CACNA1I: variants seen among roughly 807,000 people sequenced by gnomAD.
CACNA1I encodes voltage-dependent T-type calcium channel subunit alpha-1I.
A neutral mutation model predicts 201.6 loss-of-function variants in CACNA1I; 74 were observed. The ratio of observed to expected loss-of-function variants is 0.37; its 90% CI spans 0.30 to 0.45. The LOEUF is 0.45. Ranked by LOEUF, CACNA1I falls within the 20% of genes least tolerant of loss-of-function variation. The pLI is 1.00. For missense variants in CACNA1I, 2,346 were observed against 3,138.1 expected, an observed-to-expected ratio of 0.75 and a Z score of 6.03; for synonymous variants, 1,431 against 1,345.2, an observed-to-expected ratio of 1.06 and a Z score of -1.40.
Position 39,684,528 on chromosome 22 carries a change from TG to T in CACNA1I, c.6027+32del, listed in dbSNP as rs1569102966. On this transcript the variant is annotated intron_variant, in intron 36 of 36. Coordinates refer to ENST00000402142, the MANE Select transcript of CACNA1I (RefSeq NM_021096.4). This position sits in a 1 kb window ranked among gnomAD's most constrained non-coding sequence, Gnocchi z 4.6. ...CGACACCTCCCAGGCCCTAGAGCAC[TG>T]GTCTGTGGGCAAGGGGCAGGATCTA... 1 of 1,599,468 alleles carries T rather than the reference TG, an allele frequency of 6.3e-7. No individual in the cohort carries two copies. Among genetic ancestry groups the T allele is most frequent in the South Asian group, 1.1e-5 (1 of 89,064 alleles).
chr22:39,609,834 C>T (rs1218800756), intron 3 of CACNA1I, among the ~76,000 whole-genome samples: 1 of 152,232 alleles, frequency 6.6e-6, no homozygotes, highest in East Asian at 1.9e-4. Context: ...TCTTCACCCA[C>T]CCTCTGCCAA....
intron 1 of CACNA1I, among the ~76,000 whole-genome samples, chr22:39,585,113 G>T (rs547878609): frequency 1.3e-5 from 2 of 152,240 alleles, no homozygotes; most frequent in African/African-American, 4.8e-5. Flanking sequence ...AGGCTGGAGC[G>T]CAGTGGTGCA....
chr22:39,618,255 G>A (rs1327256687), intron 3 of CACNA1I, among the ~76,000 whole-genome samples: 1 of 122,480 alleles, frequency 8.2e-6, no homozygotes, highest in Non-Finnish European at 1.7e-5. Context: ...GTGTGCCTGT[G>A]TGTGTGTGTG....
intron 6 of CACNA1I, among the ~76,000 whole-genome samples, chr22:39,642,070 T>C (rs136820): frequency 0.63 from 95,986 of 151,972 alleles, 31,440 homozygotes; most frequent in East Asian, 0.99. Context: ...GGCTGAACTC[T>C]GCTGCCTCCG....
At chr22:39,586,105 G>T (rs1932745391) in intron 1 of CACNA1I, among the ~76,000 whole-genome samples, 1 of 151,970 alleles carries the variant, frequency 6.6e-6, no homozygotes, top group African/African-American at 2.4e-5. Flanking sequence ...TTGAACCAGG[G>T]AGTCAGAAGT....
intron 3 of CACNA1I, among the ~76,000 whole-genome samples, chr22:39,606,565 T>G (rs5995757): frequency 1.3e-4 from 20 of 152,082 alleles, no homozygotes; most frequent in African/African-American, 4.8e-4. Context: ...CAGGGTCTCT[T>G]TCTGTTGCCC....
At chr22:39,640,810 C>A in intron 5 of CACNA1I, 57 bp from the exon 6 acceptor site, 1 of 1,425,550 alleles carries the variant, frequency 7.0e-7, no homozygotes, top group Non-Finnish European at 9.6e-7. Context: ...CCTTCCTGAT[C>A]CTCCTGACAG....
In CACNA1I at chr22:39,662,805, C is replaced by T. The variant is rs1463839520; in HGVS notation, c.3402C>T (p.Ile1134=). ...YTLCFRVRKM[I]DVYKPDWCEV... ...TGTGCTTCCGCGTCCGCAAGATGAT[C>T]GACGTCTATAAGCCCGACTGGTGCG... Residue 1134 remains isoleucine (I), a synonymous_variant, in exon 18 of 37, where the codon ATC becomes ATT. Coordinates refer to ENST00000402142, the MANE Select transcript of CACNA1I (RefSeq NM_021096.4). The T allele has an allele frequency of 1.9e-6, 3 of 1,599,114 alleles. No individual in the cohort carries two copies. In the Admixed American group the frequency reaches 5.1e-5, roughly 27 times the overall value.
chr22:39,577,394 GC>G (rs1220806938), intron 1 of CACNA1I, among the ~76,000 whole-genome samples: 4 of 152,228 alleles, frequency 2.6e-5, no homozygotes, highest in African/African-American at 9.6e-5. Context: ...GGAGACCCCT[GC>G]CTCTCGCATC....
rs1037097284 is a variant in CACNA1I, at chr22:39,688,461, G to T, written c.*2056G>T. 1 of 152,190 alleles carries T rather than the reference G, an allele frequency of 6.6e-6. No individual in the cohort carries two copies. Among genetic ancestry groups the T allele is most frequent in the Non-Finnish European group, 1.5e-5 (1 of 68,050 alleles). 9.4% of individuals were successfully genotyped at this position (152,190 alleles called of 1,614,324 possible). Reference sequence around the variant, plus strand: ...GGCTTGACTGCTCCTGGCTGACCCTGAGCTCTCGCAGTTGGAGGGAAGCAG... The same window carrying T: ...GGCTTGACTGCTCCTGGCTGACCCTTAGCTCTCGCAGTTGGAGGGAAGCAG... On this transcript the variant is annotated 3_prime_UTR_variant, in exon 37 of 37. Transcript: ENST00000402142. This position sits in a 1 kb window ranked among gnomAD's most constrained non-coding sequence, Gnocchi z 4.8.
At position 39,664,900 on chromosome 22, in the gene CACNA1I, C is replaced by CCTGCG; in HGVS notation, c.3830_3834dup (p.Thr1279CysfsTer16). 1 of 1,612,538 alleles carries CCTGCG rather than the reference C, an allele frequency of 6.2e-7. No individual in the cohort carries two copies. Among genetic ancestry groups the CCTGCG allele is most frequent in the Non-Finnish European group, 8.5e-7 (1 of 1,179,834 alleles). On this transcript the variant is annotated frameshift_variant, in exon 21 of 37. Coordinates refer to ENST00000402142, the MANE Select transcript of CACNA1I (RefSeq NM_021096.4). LOFTEE classifies it high-confidence loss of function. The stretch of plus-strand genomic sequence containing the variant: ...TGGGGGTCCTCCGAGTCTTGCGGCT[C>CCTGCG]CTGCGCACCCTACGCCCCCTGCGGT...
At chr22:39,647,101 C>A (rs1252544838) in intron 8 of CACNA1I, among the ~76,000 whole-genome samples, 1 of 152,266 alleles carries the variant, frequency 6.6e-6, no homozygotes, top group Non-Finnish European at 1.5e-5. Context: ...GCTGAGGGAA[C>A]TCAGCCTTTG....
At chr22:39,595,840 T>C (rs1343380717) in intron 1 of CACNA1I, among the ~76,000 whole-genome samples, 2 of 151,594 alleles carry the variant, frequency 1.3e-5, no homozygotes, top group African/African-American at 4.9e-5. Context: ...TACTAGATGT[T>C]AGGCCGTGAG....
At position 39,647,807 on chromosome 22, in the gene CACNA1I, A is replaced by G. The variant is rs5757759; in HGVS notation, c.1463-15A>G. 639,752 of 1,508,746 alleles carry G rather than the reference A, an allele frequency of 0.42. 142,761 individuals are homozygous for G. Among genetic ancestry groups the G allele is most frequent in the East Asian group, 0.87 (38,684 of 44,354 alleles). The allele number at this position is 1,508,746 out of a possible 1,614,324, so 93.5% of individuals were successfully genotyped here. ...TGAGAAGGGAGAAGATAGTAATATTATCTCCACTTTTCAGATGGGAAGACT... is the reference window on the plus strand; with the variant it reads ...TGAGAAGGGAGAAGATAGTAATATTGTCTCCACTTTTCAGATGGGAAGACT... On this transcript the variant is annotated splice_polypyrimidine_tract_variant and intron_variant, in intron 8 of 36. Coordinates refer to ENST00000402142, the MANE Select transcript of CACNA1I (RefSeq NM_021096.4).
chr22:39,607,102 T>C (rs1039155606), intron 3 of CACNA1I, among the ~76,000 whole-genome samples: 1 of 152,030 alleles, frequency 6.6e-6, no homozygotes, highest in Non-Finnish European at 1.5e-5. Flanking sequence ...GGGTGGAGGG[T>C]GAGGCTACTG....
At chr22:39,605,294 C>T (rs891521569) in intron 3 of CACNA1I, among the ~76,000 whole-genome samples, 5 of 152,190 alleles carry the variant, frequency 3.3e-5, no homozygotes, top group African/African-American at 1.2e-4. Context: ...TCTGGTGTAA[C>T]CCTCATGGCA....
At position 39,662,023 on chromosome 22, in the gene CACNA1I, G is replaced by A. The variant is rs937063428; in HGVS notation, c.2960G>A (p.Arg987His). Residue 987 changes from arginine (R) to histidine (H), a missense_variant, in exon 17 of 37, where the codon CGT (arginine) becomes CAT (histidine). By Grantham distance (29) the Arg-to-His change is conservative. Around this residue, in one of 13 missense-constraint regions of CACNA1I, gnomAD observed 288 missense variants for 255.2 expected, o/e 1.13. Transcript: ENST00000402142. ...GGCCGCAGCGCGGCCTGGGCCAGCCGTCGCTCCAGCTGGAACAGCCTCAAG... is the reference window on the plus strand; with the variant it reads ...GGCCGCAGCGCGGCCTGGGCCAGCCATCGCTCCAGCTGGAACAGCCTCAAG... ...PWGRSAAWAS[R>H]RSSWNSLKHK... 2.6e-6 allele frequency: 4 copies of A among 1,566,778 alleles called. No homozygotes were observed. Among genetic ancestry groups the A allele is most frequent in the African/African-American group, 1.4e-5 (1 of 72,438 alleles).
intron 29 of CACNA1I, 126 bp downstream of exon 29, chr22:39,674,159 G>A (rs1199381024): frequency 1.1e-6 from 1 of 875,614 alleles, no homozygotes; most frequent in African/African-American, 1.7e-5. Flanking sequence ...CTGTCTCTGG[G>A]GATGCATTTT....
chr22:39,642,429 C>T (rs1313127425), intron 6 of CACNA1I, among the ~76,000 whole-genome samples: 1 of 151,956 alleles, frequency 6.6e-6, no homozygotes, highest in African/African-American at 2.4e-5. Flanking sequence ...AGGTGGGCTC[C>T]CCACATACAG....
Sources: gnomAD v4.1 joint callset for allele counts (sites outside exome capture counted in the v4.1 genomes callset) on GRCh38, gnomAD v4.1.1 for gene constraint, gnomAD v4.1.1 regional missense constraint, Gnocchi (gnomAD v3.1) non-coding constraint, MANE v1.5 for transcripts, NCBI Gene and HGNC (gene_info 2026-07-23, HGNC 2026-07-21) for gene names.